The following CCDC149 variants were observed in gnomAD, a reference collection of about 807,000 sequenced individuals.
CCDC149 encodes the protein coiled-coil domain containing 149.
Under a neutral mutation model 59.9 loss-of-function variants are expected in CCDC149, and 45 were observed. That is an observed-to-expected ratio of 0.75 (90% CI 0.59 to 0.96). CCDC149 has a LOEUF of 0.96. Among genes scored for constraint, CCDC149 ranks in the 40% least tolerant of loss-of-function variants. The pLI, the probability that CCDC149 is intolerant of heterozygous loss-of-function variation, is 0.00. For missense variants in CCDC149, 584 were observed against 664.7 expected, an observed-to-expected ratio of 0.88 and a Z score of 1.33; for synonymous variants, 245 against 260.6, an observed-to-expected ratio of 0.94 and a Z score of 0.58.
At chr4:24,911,452 T>G (rs941074675) in intron 1 of CCDC149, among the ~76,000 whole-genome samples, 1 of 152,056 alleles carries the variant, frequency 6.6e-6, no homozygotes, top group African/African-American at 2.4e-5. Flanking sequence ...ATTGTTGGAG[T>G]AGTGAAGATT....
At chr4:24,804,486 CAAA>C (rs397796144), downstream of CCDC149, among the ~76,000 whole-genome samples, 7 of 57,124 alleles carry the variant, frequency 1.2e-4, no homozygotes, top group East Asian at 5.1e-4. Flanking sequence ...GTGAGACTCT[CAAA>C]AAAAAAAAAA....
chr4:24,868,036 G>C (rs1233543885), intron 3 of CCDC149, among the ~76,000 whole-genome samples: 2 of 152,172 alleles, frequency 1.3e-5, no homozygotes, highest in African/African-American at 4.8e-5. Flanking sequence ...CTTATACAAG[G>C]TATCTTTGCT....
intron 1 of CCDC149, among the ~76,000 whole-genome samples, chr4:24,922,414 C>T (rs185549663): frequency 1.4e-3 from 209 of 152,348 alleles, no homozygotes; most frequent in Non-Finnish European, 2.6e-3. Context: ...TGAATTGGCA[C>T]TCACTCAGTA....
chr4:24,937,528 A>G (rs1398228821), intron 1 of CCDC149, among the ~76,000 whole-genome samples: 1 of 152,198 alleles, frequency 6.6e-6, no homozygotes, highest in African/African-American at 2.4e-5. Context: ...GCTAAAAAAG[A>G]TTTGGTTTTT....
rs1252220770 is a variant in CCDC149, at chr4:24,808,366, A to G, written c.*23T>C. ...CCCTCTCTGGGGCTTTCAATGTGTC[A>G]TTGTGTCAGATCCCTCTCCCCTTCA... On this transcript the variant is annotated 3_prime_UTR_variant, in exon 13 of 13. Transcript: ENST00000635206. The G allele has an allele frequency of 6.9e-7, 1 of 1,440,866 alleles. No individual in the cohort carries two copies. Among genetic ancestry groups the G allele is most frequent in the African/African-American group, 1.4e-5 (1 of 69,602 alleles). The allele number at this position is 1,440,866 out of a possible 1,614,324, so 89.3% of individuals were successfully genotyped here. A position where few individuals can be genotyped will look rare whatever the true frequency, so the allele number is the denominator to read the frequency against.
At chr4:24,876,162 T>G (rs1719408384) in intron 2 of CCDC149, among the ~76,000 whole-genome samples, 1 of 152,138 alleles carries the variant, frequency 6.6e-6, no homozygotes, top group Non-Finnish European at 1.5e-5. Flanking sequence ...TAGGGTTTCC[T>G]ACTATCTGTG....
intron 2 of CCDC149, 30 bp from the exon 3 acceptor site, chr4:24,873,749 C>T (rs768384240): frequency 1.3e-6 from 2 of 1,572,940 alleles, no homozygotes; most frequent in South Asian, 2.2e-5. Context: ...GCATTTTACT[C>T]TTTTAGAAAA....
chr4:24,956,461 C>T (rs1440880960), intron 1 of CCDC149, among the ~76,000 whole-genome samples: 7 of 152,118 alleles, frequency 4.6e-5, no homozygotes, highest in Admixed American at 6.6e-5. Flanking sequence ...TAGGTAATTT[C>T]GGGCTATTAA....
intron 2 of CCDC149, among the ~76,000 whole-genome samples, chr4:24,875,703 A>G (rs561925871): frequency 6.6e-6 from 1 of 152,264 alleles, no homozygotes; most frequent in South Asian, 2.1e-4. Flanking sequence ...CATCAGTCAC[A>G]TGAGCCCATG....
chr4:24,949,152 G>A (rs527818130), intron 1 of CCDC149, among the ~76,000 whole-genome samples: 81 of 152,262 alleles, frequency 5.3e-4, no homozygotes, highest in African/African-American at 1.9e-3. Flanking sequence ...TCATGCCTTT[G>A]GGGTTTCCTG....
chr4:24,847,151 T>TG (rs1222801343), intron 4 of CCDC149, among the ~76,000 whole-genome samples: 1 of 152,138 alleles, frequency 6.6e-6, no homozygotes, highest in Non-Finnish European at 1.5e-5. Context: ...TGTCTCTACT[T>TG]GGGGGGACAC....
chr4:24,944,049 G>C (rs895757347), intron 1 of CCDC149, among the ~76,000 whole-genome samples: 4 of 152,062 alleles, frequency 2.6e-5, no homozygotes, highest in African/African-American at 9.7e-5. Context: ...CCCATTACTG[G>C]GTATATACCC....
intron 1 of CCDC149, among the ~76,000 whole-genome samples, chr4:24,953,996 CAG>C (rs1723389775): frequency 6.9e-6 from 1 of 144,950 alleles, no homozygotes; most frequent in Non-Finnish European, 1.5e-5. Flanking sequence ...GTCTGAGGAA[CAG>C]AAAGAAAAAA....
intron 1 of CCDC149, among the ~76,000 whole-genome samples, chr4:24,906,396 T>TTTTATTTTA (rs1721527770): frequency 9.6e-5 from 4 of 41,716 alleles, no homozygotes; most frequent in African/African-American, 2.1e-4. Flanking sequence ...TTTTATTTTA[T>TTTTATTTTA]TTTATTTTAT....
intron 12 of CCDC149, among the ~76,000 whole-genome samples, chr4:24,814,452 C>T (rs532234331): frequency 2.0e-5 from 3 of 152,298 alleles, no homozygotes; most frequent in South Asian, 2.1e-4. Context: ...CTAGTCTCCT[C>T]CTACACTAAT....
chr4:24,937,692 C>T (rs1722825053), intron 1 of CCDC149, among the ~76,000 whole-genome samples: 1 of 152,170 alleles, frequency 6.6e-6, no homozygotes, highest in South Asian at 2.1e-4. Context: ...ACACCCTGTC[C>T]CTTTAATGCT....
intron 1 of CCDC149, among the ~76,000 whole-genome samples, chr4:24,933,939 G>A (rs2069832580): frequency 6.6e-6 from 1 of 152,170 alleles, no homozygotes; most frequent in Admixed American, 6.5e-5. Flanking sequence ...TGCCAACGAT[G>A]CTGAAAGGTC....
At chr4:24,809,422 G>A (rs1471122525) in intron 12 of CCDC149, among the ~76,000 whole-genome samples, 1 of 152,204 alleles carries the variant, frequency 6.6e-6, no homozygotes, top group East Asian at 1.9e-4. Context: ...GGAAATTCTA[G>A]CACTGCAACA....
rs546534626 is a variant in CCDC149, at chr4:24,941,792, C to A, written c.-65+38277G>T. On this transcript the variant is annotated intron_variant, in intron 1 of 12. Transcript: ENST00000389609. ...CCTCTACACAAATAAACTAGAAAATCTAGAAGAAATGGATAAATTCCTTGA... is the reference window on the plus strand; with the variant it reads ...CCTCTACACAAATAAACTAGAAAATATAGAAGAAATGGATAAATTCCTTGA... Among the ~76,000 whole-genome samples the A allele has an allele frequency of 3.9e-5, 6 of 152,292 alleles. No individual in the cohort carries two copies. In the East Asian group the frequency reaches 9.6e-4, roughly 24 times the overall value.
Sources: allele counts gnomAD v4.1 joint callset (sites outside exome capture counted in the v4.1 genomes callset), GRCh38; gene constraint gnomAD v4.1.1; transcripts MANE v1.5; gene names NCBI Gene and HGNC (gene_info 2026-07-23, HGNC 2026-07-21).